The following ASAP2 variants were observed in gnomAD, a reference collection of about 807,000 sequenced individuals.
ASAP2 encodes the protein ArfGAP with SH3 domain, ankyrin repeat and PH domain 2, also known as arf-GAP with SH3 domain, ANK repeat and PH domain-containing protein 2.
A neutral mutation model predicts 131.4 loss-of-function variants in ASAP2; 45 were observed. That is an observed-to-expected ratio of 0.34 (90% CI 0.27 to 0.44). The LOEUF (loss-of-function observed/expected upper bound fraction) is 0.44. Among genes scored for constraint, ASAP2 ranks in the 20% least tolerant of loss-of-function variants. The pLI, the probability that ASAP2 is intolerant of heterozygous loss-of-function variation, is 1.00. For synonymous variants in ASAP2, 510 were observed against 503.0 expected (o/e 1.01, Z -0.19); for missense variants, 1,011 against 1,297.0 (o/e 0.78, Z 3.39).
chr2:9,291,427 C>T (rs1667798638), intron 2 of ASAP2, among the ~76,000 whole-genome samples: 1 of 152,200 alleles, frequency 6.6e-6, no homozygotes, highest in African/African-American at 2.4e-5. Context: ...GAAGAAATTG[C>T]ATTCCCATGA....
At chr2:9,400,709 G>A in intron 25 of ASAP2, 33 bp from the exon 26 acceptor site, 1 of 1,556,678 alleles carries the variant, frequency 6.4e-7, no homozygotes, top group Non-Finnish European at 8.9e-7. Context: ...TGATTGATGG[G>A]ATGTCTTAAG....
rs1675544566 is a variant in ASAP2 at position 9,389,370 on chromosome 2, C to G, written c.2383+824C>G. ...ACAAGAGTCTGCACAGAGCATGTAT[C>G]CAGGCATTGTGGCCGCTGTGAGCCG... On this transcript the variant is annotated intron_variant, in intron 22 of 27. Coordinates refer to ENST00000281419, the MANE Select transcript of ASAP2 (RefSeq NM_003887.3). The surrounding 1 kb of genome is among the most constrained non-coding windows in gnomAD (Gnocchi z 4.7). Among the ~76,000 whole-genome samples, 1 of 152,212 alleles carries G rather than the reference C, an allele frequency of 6.6e-6. No homozygotes were observed. Among genetic ancestry groups the G allele is most frequent in the African/African-American group, 2.4e-5 (1 of 41,454 alleles).
At chr2:9,348,205 C>A (rs1363068235) in intron 11 of ASAP2, among the ~76,000 whole-genome samples, 1 of 152,284 alleles carries the variant, frequency 6.6e-6, no homozygotes, top group Admixed American at 6.5e-5. Flanking sequence ...TGACCTCTGC[C>A]TCCTGGGTTC....
At chr2:9,356,398 C>G in intron 14 of ASAP2, 53 bp downstream of exon 14, 1 of 1,489,618 alleles carries the variant, frequency 6.7e-7, no homozygotes, top group Non-Finnish European at 9.0e-7. Context: ...CAATCCCATT[C>G]TGATTCACAG....
At chr2:9,363,574 A>G (rs576380656) in intron 15 of ASAP2, among the ~76,000 whole-genome samples, 43 of 152,018 alleles carry the variant, frequency 2.8e-4, no homozygotes, top group Non-Finnish European at 4.9e-4. Flanking sequence ...CCTGTTGGTC[A>G]TTTGTAGGTC....
intron 1 of ASAP2, among the ~76,000 whole-genome samples, chr2:9,270,803 TTTTTTTTG>T (rs1666313091): frequency 7.7e-6 from 1 of 130,172 alleles, no homozygotes; most frequent in Non-Finnish European, 1.7e-5. Context: ...TTTTTTTTTT[TTTTTTTTG>T]AGACGGAGTC....
At chr2:9,383,450 G>T (rs1675025442) in intron 20 of ASAP2, among the ~76,000 whole-genome samples, 1 of 151,998 alleles carries the variant, frequency 6.6e-6, no homozygotes, top group African/African-American at 2.4e-5. Flanking sequence ...TGTAGTGATG[G>T]GGTCTCGCTA....
intron 1 of ASAP2, among the ~76,000 whole-genome samples, chr2:9,252,687 G>A (rs1271267223): frequency 3.3e-5 from 5 of 152,120 alleles, no homozygotes; most frequent in South Asian, 2.1e-4. Flanking sequence ...AGGTTGAGGC[G>A]GGCAGATCAC....
rs146011570 is a variant in ASAP2 at position 9,318,982 on chromosome 2, T to A, written c.420+384T>A. Among the ~76,000 whole-genome samples, 9 of 151,968 alleles carry A rather than the reference T, an allele frequency of 5.9e-5. No homozygotes were observed. In the East Asian group the frequency reaches 1.7e-3, roughly 29 times the overall value. On this transcript the variant is annotated intron_variant, in intron 4 of 27. Transcript: ENST00000281419. ...AAAGGATCCTAGCAAGGGTGTATTT[T>A]CCTGCTGGGAAGGTCGCAGTCGTCA...
chr2:9,391,012 G>T, intron 22 of ASAP2, 50 bp from the exon 23 acceptor site: 1 of 1,613,628 alleles, frequency 6.2e-7, no homozygotes. Flanking sequence ...GTTCGTGTGT[G>T]CACGTGTATG....
chr2:9,296,454 A>G (rs1252927128), intron 2 of ASAP2, among the ~76,000 whole-genome samples: 2 of 152,222 alleles, frequency 1.3e-5, no homozygotes, highest in Admixed American at 6.5e-5. Context: ...CCAGAGACCC[A>G]GAGTCCAGAT....
chr2:9,377,104 T>C (rs1674461713), intron 18 of ASAP2, 111 bp downstream of exon 18: 1 of 930,610 alleles, frequency 1.1e-6, no homozygotes, highest in African/African-American at 1.6e-5. Flanking sequence ...ACCTTCCCAG[T>C]TCTAAACATG....
rs777223474 is a variant in ASAP2, at chr2:9,400,060, C to G, written c.2722C>G (p.Pro908Ala). The G allele has an allele frequency of 6.2e-7, 1 of 1,613,364 alleles. No homozygotes were observed. The highest frequency in any genetic ancestry group is 1.1e-5 in the South Asian group (1 of 91,072). The stretch of plus-strand genomic sequence containing the variant: ...CACCCCACTGACCAACAAAGGCCAA[C>G]CGAGAGGACCTGGTAATTATTTAAT... ...KSTPLTNKGQPRGPVDLSATE... is the reference protein window; with the variant it reads ...KSTPLTNKGQARGPVDLSATE... The change falls in exon 25 of 28, where the codon CCG (proline) becomes GCG (alanine). Residue 908 changes from proline (P) to alanine (A), a missense_variant. This residue lies in a region of ASAP2 where 652 missense variants were observed against 698.9 expected (regional missense o/e 0.93). Coordinates refer to ENST00000281419, the MANE Select transcript of ASAP2 (RefSeq NM_003887.3).
chr2:9,286,101 A>G (rs957444980), intron 2 of ASAP2, among the ~76,000 whole-genome samples: 41 of 152,350 alleles, frequency 2.7e-4, no homozygotes, highest in Non-Finnish European at 8.8e-5. Flanking sequence ...TTCACTGTGC[A>G]TTAAGAAGAT....
intron 2 of ASAP2, among the ~76,000 whole-genome samples, chr2:9,285,556 G>A (rs1667409734): frequency 6.6e-6 from 1 of 152,222 alleles, no homozygotes; most frequent in South Asian, 2.1e-4. Context: ...ATGAGAAACT[G>A]TTTGCCACTC....
rs572060156 is a variant in ASAP2, at chr2:9,280,886, A to G, written c.199+1497A>G. ...CTTGTCAACAACTGATTCTCCTTAT[A>G]CAAATGAGTAACCTGCAAATCAGAG... is the stretch of plus-strand genomic sequence containing the variant. On this transcript the variant is annotated intron_variant, in intron 2 of 27. Transcript: ENST00000281419. 5.3e-5 allele frequency among the ~76,000 whole-genome samples: 8 copies of G among 152,362 alleles called. No homozygotes were observed. The East Asian group carries it at 1.5e-3, about 29-fold the overall frequency.
At chr2:9,375,170 T>C (rs1182360313) in intron 17 of ASAP2, among the ~76,000 whole-genome samples, 1 of 150,982 alleles carries the variant, frequency 6.6e-6, no homozygotes, top group Non-Finnish European at 1.5e-5. Context: ...TAGTCCCAGC[T>C]ACTCAGGAGG....
chr2:9,341,883 C>G (rs914106605), intron 9 of ASAP2, among the ~76,000 whole-genome samples: 7 of 152,152 alleles, frequency 4.6e-5, no homozygotes, highest in African/African-American at 1.7e-4. Context: ...TGTGAACTTT[C>G]TGTGGAAATG....
intron 12 of ASAP2, 25 bp from the exon 13 acceptor site, chr2:9,356,022 A>G (rs1402695978): frequency 1.2e-6 from 2 of 1,613,722 alleles, no homozygotes; most frequent in Non-Finnish European, 1.7e-6. Context: ...CTGGGCTCAC[A>G]GTTGAAATTC....
Sources: allele counts gnomAD v4.1 joint callset (sites outside exome capture counted in the v4.1 genomes callset), GRCh38; gene constraint gnomAD v4.1.1; regional missense constraint gnomAD v4.1.1; non-coding constraint Gnocchi (gnomAD v3.1); transcripts MANE v1.5; gene names NCBI Gene and HGNC (gene_info 2026-07-23, HGNC 2026-07-21).